OXR1: variants seen among roughly 807,000 people sequenced by gnomAD.
The protein encoded by OXR1 is oxidation resistance protein 1.
OXR1 carries 41 observed loss-of-function variants against 104.6 expected under a neutral mutation model. The ratio of observed to expected loss-of-function variants is 0.39; its 90% CI spans 0.31 to 0.51. OXR1 has a LOEUF of 0.51. Ranked by LOEUF, OXR1 falls within the 20% of genes least tolerant of loss-of-function variation. The probability of loss-of-function intolerance (pLI) is 0.77; values close to 1 mark genes in which losing one functional copy is unlikely to be tolerated. For missense variants in OXR1, 955 were observed against 1,031.9 expected, an observed-to-expected ratio of 0.93 and a Z score of 1.02; for synonymous variants, 348 against 348.4, an observed-to-expected ratio of 1.00 and a Z score of 0.01.
intron 2 of OXR1, among the ~76,000 whole-genome samples, chr8:106,399,275 A>G (rs1817907906): frequency 6.6e-6 from 1 of 152,206 alleles, no homozygotes. Context: ...CTTGGGAAAT[A>G]TAAAATACTC....
At chr8:106,704,393 C>CTTCTTTTTTTTT (rs1830917410) in intron 8 of OXR1, among the ~76,000 whole-genome samples, 4 of 47,888 alleles carry the variant, frequency 8.4e-5, no homozygotes, top group Admixed American at 3.2e-4. Context: ...CTTTCTTCTT[C>CTTCTTTTTTTTT]TTTTTTTTTT....
At chr8:106,418,045 C>T (rs1378420602) in intron 2 of OXR1, among the ~76,000 whole-genome samples, 4 of 152,002 alleles carry the variant, frequency 2.6e-5, no homozygotes, top group Admixed American at 6.6e-5. Flanking sequence ...ATCAAGTGGT[C>T]AGCTATAGTA....
chr8:106,334,641 C>T (rs1814879171), intron 1 of OXR1, among the ~76,000 whole-genome samples: 2 of 152,152 alleles, frequency 1.3e-5, no homozygotes, highest in African/African-American at 2.4e-5. Flanking sequence ...CCTGGGGCAA[C>T]CACTAACAAA....
chr8:106,696,725 T>C (rs1475030613), intron 7 of OXR1, among the ~76,000 whole-genome samples: 1 of 148,228 alleles, frequency 6.7e-6, no homozygotes, highest in Non-Finnish European at 1.5e-5. Context: ...ATTAAGCGTC[T>C]TTTTTTTTTC....
At chr8:106,597,285 T>C (rs1207527652) in intron 3 of OXR1, among the ~76,000 whole-genome samples, 3 of 151,980 alleles carry the variant, frequency 2.0e-5, no homozygotes, top group African/African-American at 7.3e-5. Flanking sequence ...CAAAATAGGC[T>C]CAGGAGAGAC....
chr8:106,357,548 A>C (rs1816024443), intron 1 of OXR1, among the ~76,000 whole-genome samples: 1 of 152,022 alleles, frequency 6.6e-6, no homozygotes, highest in South Asian at 2.1e-4. Flanking sequence ...AGCCACTCAT[A>C]TGCGCTTGTA....
chr8:106,608,318 A>G (rs985923756), intron 3 of OXR1, among the ~76,000 whole-genome samples: 2 of 151,964 alleles, frequency 1.3e-5, no homozygotes, highest in Non-Finnish European at 2.9e-5. Flanking sequence ...AAAACAAACA[A>G]ACAAAAACGA....
intron 3 of OXR1, among the ~76,000 whole-genome samples, chr8:106,553,596 G>T (rs950645871): frequency 6.6e-6 from 1 of 152,016 alleles, no homozygotes; most frequent in Non-Finnish European, 1.5e-5. Context: ...CTGAGATTAC[G>T]GGTGTGAGCC....
chr8:106,641,383 T>G (rs1053141133), intron 3 of OXR1, among the ~76,000 whole-genome samples: 1 of 152,108 alleles, frequency 6.6e-6, no homozygotes, highest in East Asian at 1.9e-4. Flanking sequence ...TCTCTGTAAA[T>G]GAGATGGAGA....
intron 1 of OXR1, among the ~76,000 whole-genome samples, chr8:106,339,003 A>G (rs1197053701): frequency 6.6e-6 from 1 of 152,136 alleles, no homozygotes; most frequent in East Asian, 1.9e-4. Context: ...TACATAATGG[A>G]CAGAAATGTT....
chr8:106,400,596 A>T (rs1817962813), intron 2 of OXR1, among the ~76,000 whole-genome samples: 1 of 152,184 alleles, frequency 6.6e-6, no homozygotes, highest in Non-Finnish European at 1.5e-5. Context: ...TTGGTCTTAT[A>T]TTATGATTTT....
intron 3 of OXR1, among the ~76,000 whole-genome samples, chr8:106,614,703 A>G (rs1821068310): frequency 6.6e-6 from 1 of 152,326 alleles, no homozygotes; most frequent in South Asian, 2.1e-4. Context: ...TAAAGAACAA[A>G]TGGCCAAATA....
At chr8:106,624,833 C>T (rs1160392553) in intron 3 of OXR1, among the ~76,000 whole-genome samples, 3 of 152,072 alleles carry the variant, frequency 2.0e-5, no homozygotes, top group Admixed American at 1.3e-4. Context: ...ACTCTGTTGC[C>T]GGGCTGGAGT....
intron 2 of OXR1, among the ~76,000 whole-genome samples, chr8:106,387,056 G>A (rs1219749325): frequency 1.3e-5 from 2 of 152,168 alleles, no homozygotes; most frequent in South Asian, 2.1e-4. Context: ...ACAAGAGTTA[G>A]CAAAGATGCA....
At chr8:106,514,592 G>T (rs748817995) in intron 2 of OXR1, among the ~76,000 whole-genome samples, 9 of 152,066 alleles carry the variant, frequency 5.9e-5, no homozygotes, top group Non-Finnish European at 1.0e-4. Flanking sequence ...GGAGCTCAGT[G>T]CCACGTCCTT....
intron 3 of OXR1, among the ~76,000 whole-genome samples, chr8:106,526,818 T>C (rs763346054): frequency 5.7e-4 from 87 of 152,202 alleles, no homozygotes; most frequent in Middle Eastern, 3.2e-3. Context: ...CCTGGGATTA[T>C]AGGCGTGAGC....
At chr8:106,293,211 A>G (rs932528469) in intron 1 of OXR1, among the ~76,000 whole-genome samples, 2 of 152,254 alleles carry the variant, frequency 1.3e-5, no homozygotes, top group Admixed American at 6.5e-5. Flanking sequence ...CTGTAACAAC[A>G]TGAGAAGCTT....
chr8:106,330,476 G>A (rs762466407), intron 1 of OXR1, among the ~76,000 whole-genome samples: 6 of 151,902 alleles, frequency 3.9e-5, no homozygotes, highest in African/African-American at 7.3e-5. Flanking sequence ...TTGTATGATC[G>A]GCCTGTTTCA....
intron 3 of OXR1, among the ~76,000 whole-genome samples, chr8:106,590,278 G>T (rs1341383714): frequency 1.3e-5 from 2 of 150,310 alleles, no homozygotes; most frequent in Non-Finnish European, 1.5e-5. Flanking sequence ...TTTGGTTTTT[G>T]TTGTTGTTGT....
Sources: gnomAD v4.1 joint callset for allele counts (sites outside exome capture counted in the v4.1 genomes callset) on GRCh38, gnomAD v4.1.1 for gene constraint, MANE v1.5 for transcripts, NCBI Gene and HGNC (gene_info 2026-07-23, HGNC 2026-07-21) for gene names.